CYB5R2: variants seen among roughly 807,000 people sequenced by gnomAD.
CYB5R2 encodes the protein cytochrome b5 reductase 2.
CYB5R2 carries 35 observed loss-of-function variants against 29.8 expected under a neutral mutation model. The ratio of observed to expected loss-of-function variants is 1.17; its 90% confidence interval spans 0.90 to 1.56. The LOEUF is 1.56. CYB5R2 is among the 40% of genes most tolerant of loss of function. The probability of loss-of-function intolerance (pLI) is 0.00; values close to 1 mark genes in which losing one functional copy is unlikely to be tolerated. For synonymous variants in CYB5R2, 169 were observed against 130.6 expected (o/e 1.29, Z -2.01); for missense variants, 419 against 346.7 (o/e 1.21, Z -1.66).
chr11:7,666,505 TG>T lies in CYB5R2; in HGVS notation c.603del (p.Arg202GlyfsTer31). The part of the protein sequence containing the change: ...ILVRKELEEI[A>X]RTHPDQFNLW... The stretch of plus-strand genomic sequence containing the variant: ...AGGTTGAACTGGTCTGGGTGAGTCC[TG>T]GCAATTTCTTCAAGCTCTTTTCTGA... On this transcript the variant is annotated frameshift_variant, in exon 8 of 9. Transcript: ENST00000299498. LOFTEE classifies it high-confidence loss of function. 1 of 1,613,634 alleles carries T rather than the reference TG, an allele frequency of 6.2e-7. No individual in the cohort carries two copies. Among genetic ancestry groups the T allele is most frequent in the South Asian group, 1.1e-5 (1 of 91,058 alleles).
intron 6 of CYB5R2, among the ~76,000 whole-genome samples, 195 bp from the exon 7 acceptor site, chr11:7,668,008 C>G (rs753163116): frequency 2.0e-5 from 3 of 152,254 alleles, no homozygotes; most frequent in Non-Finnish European, 4.4e-5. Context: ...TAGTCTTTCT[C>G]ATTTTCATAT....
At chr11:7,669,603 A>G in intron 4 of CYB5R2, 22 bp downstream of exon 4, 1 of 1,542,560 alleles carries the variant, frequency 6.5e-7, no homozygotes, top group Non-Finnish European at 8.8e-7. Context: ...CGAGCTAGCC[A>G]GATATGGTGG....
intron 5 of CYB5R2, chr11:7,668,893 C>G: frequency 1.7e-6 from 1 of 581,706 alleles, no homozygotes; most frequent in Non-Finnish European, 3.1e-6. Context: ...ATGTGAGTAA[C>G]CAAGGAGCAT....
chr11:7,666,708 C>T (rs904707210), intron 7 of CYB5R2, 158 bp from the exon 8 acceptor site: 9 of 555,720 alleles, frequency 1.6e-5, no homozygotes, highest in East Asian at 6.1e-5. Context: ...TGCTGCTGCT[C>T]CTGAAGCTCA....
upstream of CYB5R2, chr11:7,674,257 G>C: frequency 7.8e-7 from 1 of 1,289,040 alleles, no homozygotes; most frequent in African/African-American, 1.5e-5. Context: ...CCTGGTCCGG[G>C]GCGGGTGTTT....
intron 8 of CYB5R2, 65 bp downstream of exon 8, chr11:7,666,386 C>G (rs1394658366): frequency 1.1e-5 from 11 of 1,011,198 alleles, no homozygotes; most frequent in Non-Finnish European, 1.6e-5. Flanking sequence ...GAGACAGAGA[C>G]CAGTCCTCAA....
upstream of CYB5R2, chr11:7,673,859 G>A (rs943336123): frequency 7.1e-6 from 7 of 990,304 alleles, no homozygotes; most frequent in African/African-American, 1.0e-4. Context: ...CGCACGCCCG[G>A]GAGGACAAAA....
At chr11:7,671,997 G>A (rs1210469982) in intron 3 of CYB5R2, 1 of 157,660 alleles carries the variant, frequency 6.3e-6, no homozygotes, top group African/African-American at 2.4e-5. Context: ...CCCGACCACT[G>A]GTTCCTCCCA....
chr11:7,668,544 GTCTGA>G lies in CYB5R2; in HGVS notation c.401_405del (p.Ile134ThrfsTer6), dbSNP rs1316957534. On this transcript the variant is annotated frameshift_variant, in exon 6 of 9. Transcript: ENST00000299498. LOFTEE classifies it high-confidence loss of function. ...TTTTTAGGCTCACTCGTCTGGTCTG[GTCTGA>G]TTCCAAGATTCCCTGGAAACACAGA... is the stretch of plus-strand genomic sequence containing the variant. The G allele has an allele frequency of 6.2e-7, 1 of 1,613,772 alleles. No homozygotes were observed. The highest frequency in any genetic ancestry group is 1.3e-5 in the African/African-American group (1 of 74,890).
chr11:7,673,396 AGCCTCCCC>A lies in CYB5R2; in HGVS notation c.-67+15_-67+22del. Reference sequence around the variant, plus strand: ...GGCACTCAACTGCCAGAGACTCGGGAGCCTCCCCGCATCTGTCCCTACCCTACAAGGCC... The same window carrying A: ...GGCACTCAACTGCCAGAGACTCGGGAGCATCTGTCCCTACCCTACAAGGCC... On this transcript the variant is annotated intron_variant, in intron 1 of 8. Coordinates refer to ENST00000299498, the MANE Select transcript of CYB5R2 (RefSeq NM_016229.5). 1 of 997,942 alleles carries A rather than the reference AGCCTCCCC, an allele frequency of 1.0e-6. No individual in the cohort carries two copies. Among genetic ancestry groups the A allele is most frequent in the African/African-American group, 1.7e-5 (1 of 57,784 alleles). The allele number at this position is 997,942 out of a possible 1,614,324, so 61.8% of individuals were successfully genotyped here.
At chr11:7,669,412 T>G (rs1855580718) in intron 4 of CYB5R2, 78 bp from the exon 5 acceptor site, 8 of 1,505,704 alleles carry the variant, frequency 5.3e-6, no homozygotes, top group African/African-American at 1.4e-5. Flanking sequence ...ATGCATTTAC[T>G]GCTGGAAGCT....
chr11:7,665,464 C>T lies in CYB5R2; in HGVS notation c.741G>A (p.Leu247=), dbSNP rs1227092106. Residue 247 remains leucine (L), a synonymous_variant, in exon 9 of 9, where the codon CTG becomes CTA. Coordinates refer to ENST00000299498, the MANE Select transcript of CYB5R2 (RefSeq NM_016229.5). ...LPPPAKSTLI[L]VCGPPPLIQT... is the part of the protein sequence containing the mutation. ...GGATTAGTGGTGGCGGGCCACACAC[C>T]AGGATGAGCGTGGACTTCGCTGGAG... 1 of 1,613,764 alleles carries T rather than the reference C, an allele frequency of 6.2e-7. No homozygotes were observed. The highest frequency in any genetic ancestry group is 1.3e-5 in the African/African-American group (1 of 74,910).
chr11:7,669,406 A>G, intron 4 of CYB5R2, 72 bp from the exon 5 acceptor site: 1 of 1,524,544 alleles, frequency 6.6e-7, no homozygotes. Flanking sequence ...TAGAAAATGC[A>G]TTTACTGCTG....
intron 7 of CYB5R2, chr11:7,667,155 A>G (rs987700022): frequency 6.6e-6 from 1 of 152,252 alleles, no homozygotes; most frequent in Non-Finnish European, 1.5e-5. Flanking sequence ...TCTGTTTTAG[A>G]AAATAATCTA....
At chr11:7,674,130 G>A, upstream of CYB5R2, 1 of 1,217,764 alleles carries the variant, frequency 8.2e-7, no homozygotes, top group Non-Finnish European at 1.0e-6. Flanking sequence ...GGCAAGGCTG[G>A]AGAAGGCCGT....
chr11:7,672,324 A>G, intron 3 of CYB5R2, 127 bp downstream of exon 3: 1 of 740,376 alleles, frequency 1.4e-6, no homozygotes, highest in East Asian at 2.6e-5. Flanking sequence ...CCCTGAGCTC[A>G]CAGGCTCAGG....
intron 5 of CYB5R2, 22 bp downstream of exon 5, chr11:7,669,183 C>A: frequency 6.2e-7 from 1 of 1,614,042 alleles, no homozygotes; most frequent in Non-Finnish European, 8.5e-7. Context: ...GCTGGGAGCC[C>A]AAGTATTAAC....
At position 7,669,224 on chromosome 11, in the gene CYB5R2, G is replaced by A. The variant is rs1855564370; in HGVS notation, c.369C>T (p.Arg123=). ...CAGTACCTGGCCCATGGTAAAACAA[G>A]CGTCCCCTTGGCCCTCGAAAAAAGA... ...ETIFFRGPRG[R]LFYHGPGNLG... Residue 123 remains arginine, a synonymous_variant, in exon 5 of 9, where the codon CGC becomes CGT. Transcript: ENST00000299498. The A allele has an allele frequency of 6.2e-7, 1 of 1,613,948 alleles. No individual in the cohort carries two copies. Among genetic ancestry groups the A allele is most frequent in the Admixed American group, 1.7e-5 (1 of 59,998 alleles).
upstream of CYB5R2, chr11:7,673,975 C>G: frequency 8.1e-6 from 9 of 1,106,170 alleles, no homozygotes; most frequent in Non-Finnish European, 1.0e-5. Context: ...TGGGTCAGCC[C>G]TGCCCCCAGG....
Sources: gnomAD v4.1 joint callset for allele counts (sites outside exome capture counted in the v4.1 genomes callset) on GRCh38, gnomAD v4.1.1 for gene constraint, MANE v1.5 for transcripts, NCBI Gene and HGNC (gene_info 2026-07-23, HGNC 2026-07-21) for gene names.